Variants in ITGAV observed in about 807,000 individuals in gnomAD.
The protein encoded by ITGAV is integrin subunit alpha V, also known as integrin alpha-V.
ITGAV carries 76 observed loss-of-function variants against 143.8 expected under a neutral mutation model. The observed-to-expected ratio is 0.53, with a 90% CI of 0.44 to 0.64. The LOEUF (loss-of-function observed/expected upper bound fraction) is 0.64, where lower values mean the gene tolerates loss of function less well. Ranked by LOEUF, ITGAV falls within the 30% of genes least tolerant of loss-of-function variation. The pLI, the probability that ITGAV is intolerant of heterozygous loss-of-function variation, is 0.00. For missense variants in ITGAV, 1,193 were observed against 1,274.7 expected, an observed-to-expected ratio of 0.94 and a Z score of 0.98; for synonymous variants, 453 against 446.7, an observed-to-expected ratio of 1.01 and a Z score of -0.18.
chr2:186,624,207 A>T (rs1687611516), intron 3 of ITGAV, among the ~76,000 whole-genome samples: 3 of 152,078 alleles, frequency 2.0e-5, no homozygotes, highest in Admixed American at 6.5e-5. Flanking sequence ...TATGATTTCT[A>T]CTTGGCTAGC....
intron 23 of ITGAV, 126 bp downstream of exon 23, chr2:186,667,356 C>A: frequency 1.5e-6 from 1 of 663,364 alleles, no homozygotes. Context: ...AGGGCATTAG[C>A]TTCTGTAGAA....
Position 186,646,878 on chromosome 2 carries a change from G to T in ITGAV, c.1351+1G>T. On this transcript the variant is annotated splice_donor_variant, in intron 13 of 29. Transcript: ENST00000261023. LOFTEE classifies it high-confidence loss of function. Reference sequence around the variant, plus strand: ...GATATAGACAAAAATGGATATCCAGGTGCTTTCTTATCAACACATAGAGCC... The same window carrying T: ...GATATAGACAAAAATGGATATCCAGTTGCTTTCTTATCAACACATAGAGCC... 6.4e-7 allele frequency: 1 copy of T among 1,571,748 alleles called. No individual in the cohort carries two copies. Among genetic ancestry groups the T allele is most frequent in the South Asian group, 1.2e-5 (1 of 86,358 alleles).
At chr2:186,626,269 T>TCAAG (rs1229271473) in intron 4 of ITGAV, among the ~76,000 whole-genome samples, 1 of 152,192 alleles carries the variant, frequency 6.6e-6, no homozygotes, top group Non-Finnish European at 1.5e-5. Flanking sequence ...AAAGATGACT[T>TCAAG]CAAGCAATTA....
At chr2:186,615,680 G>A (rs1180744956) in intron 2 of ITGAV, among the ~76,000 whole-genome samples, 3 of 143,312 alleles carry the variant, frequency 2.1e-5, no homozygotes, top group Admixed American at 7.0e-5. Context: ...GGAGTTTTTC[G>A]TTTTTTTTTT....
intron 12 of ITGAV, among the ~76,000 whole-genome samples, chr2:186,643,541 G>A (rs1430958208): frequency 2.0e-5 from 3 of 152,122 alleles, no homozygotes; most frequent in Non-Finnish European, 2.9e-5. Context: ...GTTCATACAT[G>A]AAGACATTAA....
At position 186,635,154 on chromosome 2, in the gene ITGAV, AG is replaced by A. The variant is rs1240485001; in HGVS notation, c.632-927del. On this transcript the variant is annotated intron_variant, in intron 6 of 29. Transcript: ENST00000261023. ...TCTGTAATATATAGCTAGCAGACTC[AG>A]TGAATTGGCAAATAGTATTTTGTTT... 1.3e-4 allele frequency among the ~76,000 whole-genome samples: 20 copies of A among 152,342 alleles called. No homozygotes were observed. In the East Asian group the frequency reaches 3.3e-3, roughly 25 times the overall value.
intron 26 of ITGAV, among the ~76,000 whole-genome samples, chr2:186,672,573 G>T (rs1689096102): frequency 6.6e-6 from 1 of 152,092 alleles, no homozygotes; most frequent in Admixed American, 6.5e-5. Flanking sequence ...CCACATCTTT[G>T]TCAACACTTA....
chr2:186,596,875 C>T (rs946306254), intron 1 of ITGAV, among the ~76,000 whole-genome samples: 5 of 152,170 alleles, frequency 3.3e-5, no homozygotes, highest in Admixed American at 6.5e-5. Flanking sequence ...ACTTAAATAT[C>T]TTAATGATAA....
chr2:186,656,465 A>G, intron 17 of ITGAV, 64 bp downstream of exon 17: 4 of 1,187,606 alleles, frequency 3.4e-6, no homozygotes, highest in Non-Finnish European at 3.4e-6. Flanking sequence ...TATCTAAATG[A>G]TTTTCACTTT....
At chr2:186,612,635 A>G (rs539390013) in intron 2 of ITGAV, among the ~76,000 whole-genome samples, 2 of 152,312 alleles carry the variant, frequency 1.3e-5, no homozygotes, top group East Asian at 3.9e-4. Context: ...CTTTGTATTT[A>G]ATAGAGAATA....
At position 186,630,724 on chromosome 2, in the gene ITGAV, T is replaced by A. The variant is rs530051856; in HGVS notation, c.524-73T>A. ...ACATTATCTTATGATTCTAGTGATA[T>A]CAGATTTTCTCATGTTTTGTTTTGT... On this transcript the variant is annotated intron_variant, in intron 4 of 29. Transcript: ENST00000261023. The A allele has an allele frequency of 1.3e-4, 103 of 804,708 alleles. No homozygotes were observed. In the African/African-American group the frequency reaches 1.6e-3, roughly 12 times the overall value. The allele number at this position is 804,708 out of a possible 1,614,324, so 49.8% of individuals were successfully genotyped here. A position where few individuals can be genotyped will look rare whatever the true frequency, so the allele number is the denominator to read the frequency against.
chr2:186,600,176 G>A (rs1686859324), intron 1 of ITGAV: 3 of 627,080 alleles, frequency 4.8e-6, no homozygotes, highest in Non-Finnish European at 5.5e-6. Context: ...TGCCACTCCC[G>A]GCTTGTCCCC....
chr2:186,594,279 G>C (rs1686689494), intron 1 of ITGAV, among the ~76,000 whole-genome samples: 1 of 152,118 alleles, frequency 6.6e-6, no homozygotes, highest in South Asian at 2.1e-4. Context: ...TTGCACCTCT[G>C]TTTCTATTAA....
intron 18 of ITGAV, 96 bp downstream of exon 18, chr2:186,659,271 A>T (rs549025212): frequency 1.6e-4 from 129 of 815,324 alleles, no homozygotes; most frequent in Middle Eastern, 9.9e-4. Context: ...TATCATATTG[A>T]TAGATGTTTA....
chr2:186,668,435 C>T (rs1574502592), intron 24 of ITGAV: 4 of 264,226 alleles, frequency 1.5e-5, no homozygotes, highest in Non-Finnish European at 2.9e-5. Flanking sequence ...CGACAGGTTT[C>T]ACCACGTTGG....
Position 186,645,081 on chromosome 2 carries a change from T to C in ITGAV, c.1160-1605T>C, listed in dbSNP as rs577156855. Among the ~76,000 whole-genome samples the C allele has an allele frequency of 2.6e-5, 4 of 152,338 alleles. No individual in the cohort carries two copies. In the South Asian group the frequency reaches 8.3e-4, roughly 32 times the overall value. ...TCTCATGAAGCTTATGTTCTATAGC[T>C]TACTTACTTTGTGTAGTCATAGAAT... On this transcript the variant is annotated intron_variant, in intron 12 of 29. Transcript: ENST00000261023.
chr2:186,641,742 T>G (rs981165909), intron 12 of ITGAV, 154 bp downstream of exon 12: 1 of 609,616 alleles, frequency 1.6e-6, no homozygotes. Context: ...TTAAAGACAG[T>G]TTGCTATTTT....
chr2:186,640,194 A>G (rs143436888), intron 10 of ITGAV, among the ~76,000 whole-genome samples: 60 of 151,996 alleles, frequency 3.9e-4, no homozygotes, highest in African/African-American at 1.4e-3. Context: ...TTCCTTTTTC[A>G]CATTTATTTA....
Position 186,637,083 on chromosome 2 carries a change from G to T in ITGAV, c.776G>T (p.Gly259Val). The T allele has an allele frequency of 6.2e-7, 1 of 1,613,582 alleles. No individual in the cohort carries two copies. Among genetic ancestry groups the T allele is most frequent in the Non-Finnish European group, 8.5e-7 (1 of 1,179,594 alleles). The change falls in exon 8 of 30, where the codon GGA (glycine) becomes GTA (valine). Residue 259 changes from glycine (G) to valine (V), a missense_variant. By Grantham distance (109) the Gly-to-Val change is moderately radical (BLOSUM62 -3). Coordinates refer to ENST00000261023, the MANE Select transcript of ITGAV (RefSeq NM_002210.5). ...TGTTTAGGTTATTCTGTGGCTGTCG[G>T]AGATTTCAATGGTGATGGCATAGAT... ...DSYLGYSVAV[G>V]DFNGDGIDDF...
Sources: allele counts gnomAD v4.1 joint callset (sites outside exome capture counted in the v4.1 genomes callset), GRCh38; gene constraint gnomAD v4.1.1; transcripts MANE v1.5; gene names NCBI Gene and HGNC (gene_info 2026-07-23, HGNC 2026-07-21).